Variants in COPG2 observed in about 807,000 individuals in gnomAD.
COPG2 encodes the protein coat protein complex I subunit gamma 2, also known as coatomer subunit gamma-2.
Under a neutral mutation model 46.3 loss-of-function variants are expected in COPG2, and 37 were observed. That is an observed-to-expected ratio of 0.80 (90% CI 0.61 to 1.05). The LOEUF (loss-of-function observed/expected upper bound fraction) is 1.05, where lower values mean the gene tolerates loss of function less well. Ranked by LOEUF, COPG2 falls within the 50% of genes least tolerant of loss-of-function variation. COPG2 has a pLI of 0.00. For missense variants in COPG2, 427 were observed against 387.8 expected, an observed-to-expected ratio of 1.10 and a Z score of -0.85; for synonymous variants, 159 against 129.7, an observed-to-expected ratio of 1.23 and a Z score of -1.53.
intron 5 of COPG2, among the ~76,000 whole-genome samples, chr7:130,636,533 A>G (rs1430276968): frequency 1.6e-5 from 2 of 128,288 alleles, no homozygotes; most frequent in Non-Finnish European, 3.2e-5. Context: ...CTAGGATTGC[A>G]ACCGGTTTTT....
At chr7:130,601,006 C>A (rs1487828534) in intron 9 of COPG2, among the ~76,000 whole-genome samples, 2 of 152,230 alleles carry the variant, frequency 1.3e-5, no homozygotes, top group African/African-American at 2.4e-5. Flanking sequence ...CTCTTTCTCT[C>A]AATTCCCTTG....
chr7:130,614,254 T>C (rs1794906854), intron 6 of COPG2, among the ~76,000 whole-genome samples: 2 of 152,168 alleles, frequency 1.3e-5, no homozygotes, highest in African/African-American at 4.8e-5. Context: ...AAAAAGAGTT[T>C]TATTGCTAGC....
intron 4 of COPG2, among the ~76,000 whole-genome samples, chr7:130,654,428 G>A (rs1364046672): frequency 6.6e-6 from 1 of 152,112 alleles, no homozygotes; most frequent in Non-Finnish European, 1.5e-5. Flanking sequence ...TCATTCCAGA[G>A]TAACTCAGAA....
chr7:130,666,419 T>C (rs933281258), intron 3 of COPG2, among the ~76,000 whole-genome samples: 1 of 152,138 alleles, frequency 6.6e-6, no homozygotes, highest in Non-Finnish European at 1.5e-5. Context: ...TAGGATCTCA[T>C]GAATAAAAAG....
chr7:130,555,019 A>G lies in COPG2; in HGVS notation c.1224+18T>C. ...TTTAAGACAGCAACTTCCTATGATT[A>G]AAAAGTAGTCTACCTACATCATCTC... On this transcript the variant is annotated intron_variant, in intron 13 of 23. Coordinates refer to ENST00000425248, the MANE Select transcript of COPG2 (RefSeq NM_012133.6). The G allele has an allele frequency of 2.5e-6, 1 of 398,522 alleles. No homozygotes were observed. Among genetic ancestry groups the G allele is most frequent in the Non-Finnish European group, 4.4e-6 (1 of 226,016 alleles). 24.7% of individuals were successfully genotyped at this position (398,522 alleles called of 1,614,324 possible).
At chr7:130,628,285 C>CT in intron 5 of COPG2, among the ~76,000 whole-genome samples, 1 of 152,224 alleles carries the variant, frequency 6.6e-6, no homozygotes, top group East Asian at 1.9e-4. Context: ...TAACTGAACA[C>CT]TTTTTTCCTT....
At chr7:130,634,068 C>T (rs1407042774) in intron 5 of COPG2, among the ~76,000 whole-genome samples, 3 of 152,048 alleles carry the variant, frequency 2.0e-5, no homozygotes, top group Admixed American at 6.6e-5. Context: ...TGTTCTTTTC[C>T]GTTGGTCTAT....
chr7:130,521,797 A>G (rs1452383650), intron 20 of COPG2, among the ~76,000 whole-genome samples: 2 of 152,228 alleles, frequency 1.3e-5, no homozygotes, highest in African/African-American at 4.8e-5. Context: ...GAAGAACAAG[A>G]GCATAAATTA....
chr7:130,652,870 T>C lies in COPG2; in HGVS notation c.322A>G (p.Ser108Gly). The change falls in exon 5 of 24, where the codon AGT becomes GGT. Residue 108 changes from serine (S) to glycine (G), a missense_variant and splice_region_variant. Physicochemically the swap from Ser to Gly is moderately conservative, Grantham distance 56 (BLOSUM62 0). Transcript: ENST00000425248. Reference protein sequence around the residue: ...ISEDVIIVTSSLTKDMTGKED... With the variant: ...ISEDVIIVTSGLTKDMTGKED... ...CCTAGATTTTGACCATTTACATACC[T>C]GCTTGTGACAATTATCACATCCTCA... The C allele has an allele frequency of 1.3e-6, 2 of 1,590,208 alleles. No homozygotes were observed. The highest frequency in any genetic ancestry group is 1.7e-6 in the Non-Finnish European group (2 of 1,162,368).
chr7:130,578,044 A>G (rs1308294309), intron 9 of COPG2, among the ~76,000 whole-genome samples: 1 of 152,278 alleles, frequency 6.6e-6, no homozygotes, highest in African/African-American at 2.4e-5. Flanking sequence ...CTCTGGGGGC[A>G]GAGCACAGAC....
Position 130,550,648 on chromosome 7 carries a change from A to G in COPG2, c.1650T>C (p.Gly550=). ...MALNATYIFN[G]LTVSVPGMEK... is the part of the protein sequence containing the mutation. The stretch of plus-strand genomic sequence containing the variant: ...CCATCCCTGGTACAGAGACCGTCAA[A>G]CCTGTGAAACATAGAGAAATCTCAG... The change falls in exon 17 of 24, where the codon GGT becomes GGC. Residue 550 remains glycine (G), a splice_region_variant and synonymous_variant. Coordinates refer to ENST00000425248, the MANE Select transcript of COPG2 (RefSeq NM_012133.6). The G allele has an allele frequency of 2.5e-6, 1 of 397,424 alleles. No homozygotes were observed. The highest frequency in any genetic ancestry group is 2.1e-5 in the African/African-American group (1 of 48,664). The allele number at this position is 397,424 out of a possible 1,614,324, so 24.6% of individuals were successfully genotyped here. A position where few individuals can be genotyped will look rare whatever the true frequency, so the allele number is the denominator to read the frequency against.
rs532167079 is a variant in COPG2 at position 130,654,080 on chromosome 7, C to T, written c.244-1132G>A. Among the ~76,000 whole-genome samples, 4 of 152,214 alleles carry T rather than the reference C, an allele frequency of 2.6e-5. No homozygotes were observed. The South Asian group carries it at 6.2e-4, about 24-fold the overall frequency. On this transcript the variant is annotated intron_variant, in intron 4 of 23. Coordinates refer to ENST00000425248, the MANE Select transcript of COPG2 (RefSeq NM_012133.6). Reference sequence around the variant, plus strand: ...TTAGTCATCAGGGAAATGAAAATTACTTATCCAATGAAAAATTAAAACCAC... The same window carrying T: ...TTAGTCATCAGGGAAATGAAAATTATTTATCCAATGAAAAATTAAAACCAC...
intron 17 of COPG2, among the ~76,000 whole-genome samples, chr7:130,549,815 AG>A (rs1266144774): frequency 0.22 from 33,089 of 152,022 alleles, 3,984 homozygotes; most frequent in African/African-American, 0.3. Flanking sequence ...TTAAGTTTTA[AG>A]ATTAGATATT....
chr7:130,557,430 T>C (rs1207319527), intron 12 of COPG2, among the ~76,000 whole-genome samples: 1 of 152,148 alleles, frequency 6.6e-6, no homozygotes, highest in Non-Finnish European at 1.5e-5. Flanking sequence ...TCCCCTAACT[T>C]ATGAATTTAA....
At chr7:130,563,524 T>C (rs1168025169) in intron 10 of COPG2, among the ~76,000 whole-genome samples, 188 bp from the exon 11 acceptor site, 1 of 151,760 alleles carries the variant, frequency 6.6e-6, no homozygotes, top group African/African-American at 2.4e-5. Flanking sequence ...GCTGAAAATA[T>C]AGTACATAAT....
rs1795610622 is a variant in COPG2 at position 130,646,958 on chromosome 7, CATATATATATGTGTATATATATAT to C, written c.323+5887_323+5910del. Among the ~76,000 whole-genome samples the C allele has an allele frequency of 2.2e-5, 3 of 137,146 alleles. No homozygotes were observed. The East Asian group carries it at 6.2e-4, about 28-fold the overall frequency. The allele number at this position is 137,146 out of a possible 152,430, so 90.0% of individuals were successfully genotyped here. Reference sequence around the variant, plus strand: ...ATATATATACGTATATATATATATGCATATATATATGTGTATATATATATGTATATATATATATGTGTATATATA... The same window carrying C: ...ATATATATACGTATATATATATATGCGTATATATATATATGTGTATATATA... On this transcript the variant is annotated intron_variant, in intron 5 of 23. Transcript: ENST00000425248.
Position 130,507,346 on chromosome 7 carries a change from GA to G in COPG2, c.2412del (p.Leu805TrpfsTer35). On this transcript the variant is annotated frameshift_variant, in exon 23 of 24. Coordinates refer to ENST00000425248, the MANE Select transcript of COPG2 (RefSeq NM_012133.6). LOFTEE classifies it high-confidence loss of function. ...GACCTCTCACATGGCTGCATGCCCA[GA>G]AATGTGATGATATTGTTGACAGCCT... ...LEEAVNNIIT[F>X]LGMQPCERSD... is the part of the protein sequence containing the mutation. 1.3e-6 allele frequency: 1 copy of G among 780,714 alleles called. No individual in the cohort carries two copies. The highest frequency in any genetic ancestry group is 1.3e-5 in the South Asian group (1 of 74,612). 48.4% of individuals were successfully genotyped at this position (780,714 alleles called of 1,614,324 possible).
At chr7:130,520,877 G>A (rs1799718160) in intron 20 of COPG2, among the ~76,000 whole-genome samples, 1 of 152,116 alleles carries the variant, frequency 6.6e-6, no homozygotes, top group Non-Finnish European at 1.5e-5. Context: ...CTTTATTATA[G>A]TAGGAGACCA....
rs1376992858 is a variant in COPG2 at position 130,559,954 on chromosome 7, A to T, written c.1128+1079T>A. Among the ~76,000 whole-genome samples the T allele has an allele frequency of 6.6e-5, 10 of 152,292 alleles. No individual in the cohort carries two copies. The East Asian group carries it at 1.7e-3, about 26-fold the overall frequency. ...CTGAAATTTATTTATTTATTTTTTTAAAATCATCTCTGACATACTCTCACC... is the reference window on the plus strand; with the variant it reads ...CTGAAATTTATTTATTTATTTTTTTTAAATCATCTCTGACATACTCTCACC... On this transcript the variant is annotated intron_variant, in intron 12 of 23. Transcript: ENST00000425248.
Sources: allele counts gnomAD v4.1 joint callset (sites outside exome capture counted in the v4.1 genomes callset), GRCh38; gene constraint gnomAD v4.1.1; transcripts MANE v1.5; gene names NCBI Gene and HGNC (gene_info 2026-07-23, HGNC 2026-07-21).